CRADD: variants seen among roughly 807,000 people sequenced by gnomAD.
CRADD encodes death domain-containing protein CRADD.
A neutral mutation model predicts 15.5 loss-of-function variants in CRADD; 9 were observed. The observed-to-expected ratio is 0.58, with a 90% CI of 0.35 to 1.01. CRADD has a LOEUF of 1.01. Ranked by LOEUF, CRADD falls within the 50% of genes least tolerant of loss-of-function variation. The pLI, the probability that CRADD is intolerant of heterozygous loss-of-function variation, is 0.02. For synonymous variants in CRADD, 118 were observed against 107.6 expected (o/e 1.10, Z -0.60); for missense variants, 227 against 250.3 (o/e 0.91, Z 0.63).
At chr12:93,707,261 A>T (rs1053018342) in intron 2 of CRADD, among the ~76,000 whole-genome samples, 2 of 152,146 alleles carry the variant, frequency 1.3e-5, no homozygotes, top group African/African-American at 4.8e-5. Context: ...TGCTTTTTTA[A>T]ATCTACTGCT....
chr12:93,861,952 C>T (rs942271639), intron 2 of CRADD, among the ~76,000 whole-genome samples: 2 of 152,138 alleles, frequency 1.3e-5, no homozygotes, highest in African/African-American at 4.8e-5. Context: ...ATCATGGGGT[C>T]GGTTTCCCCC....
intron 2 of CRADD, among the ~76,000 whole-genome samples, chr12:93,798,370 G>A (rs985874098): frequency 1.3e-5 from 2 of 152,086 alleles, no homozygotes; most frequent in African/African-American, 4.8e-5. Flanking sequence ...AAGGTGAAGG[G>A]TTATAGACAG....
intron 2 of CRADD, among the ~76,000 whole-genome samples, chr12:93,876,760 C>T (rs1228453948): frequency 6.6e-6 from 1 of 152,112 alleles, no homozygotes; most frequent in Non-Finnish European, 1.5e-5. Context: ...GTATCCTCAA[C>T]ACAGCTATTT....
chr12:93,839,503 T>C (rs745470593), intron 2 of CRADD, among the ~76,000 whole-genome samples: 10 of 152,222 alleles, frequency 6.6e-5, no homozygotes, highest in Non-Finnish European at 1.3e-4. Flanking sequence ...GAAAGTACAT[T>C]CAATTTTACC....
In CRADD at chr12:93,850,304, C is replaced by T; in HGVS notation, c.*33C>T. On this transcript the variant is annotated 3_prime_UTR_variant, in exon 3 of 3. Transcript: ENST00000332896. The surrounding 1 kb of genome is among the most constrained non-coding windows in gnomAD (Gnocchi z 4.0). The stretch of plus-strand genomic sequence containing the variant: ...TCCAGCAACCGCTGGGGAGTGTGTC[C>T]CTGAGTCATGTGGGCTGAATCCTGA... 1 of 1,552,188 alleles carries T rather than the reference C, an allele frequency of 6.4e-7. No individual in the cohort carries two copies. The highest frequency in any genetic ancestry group is 1.2e-5 in the South Asian group (1 of 83,500).
At chr12:93,860,145 A>AG (rs1396343443) in intron 2 of CRADD, among the ~76,000 whole-genome samples, 2 of 151,834 alleles carry the variant, frequency 1.3e-5, no homozygotes, top group East Asian at 3.9e-4. Context: ...GAAAAAAAAA[A>AG]AAGTTTTTAT....
intron 2 of CRADD, among the ~76,000 whole-genome samples, chr12:93,715,244 C>CT (rs1432234180): frequency 2.0e-5 from 3 of 152,222 alleles, no homozygotes; most frequent in Non-Finnish European, 4.4e-5. Flanking sequence ...TTGCTTTGCC[C>CT]TTTCCACCTT....
chr12:93,815,761 C>T (rs1359520158), intron 2 of CRADD: 1 of 152,210 alleles, frequency 6.6e-6, no homozygotes, highest in Non-Finnish European at 1.5e-5. Context: ...TTCAGTCTTT[C>T]ATGCATTGTA....
Position 93,689,452 on chromosome 12 carries a change from A to G in CRADD, c.298+10380A>G, listed in dbSNP as rs533464178. 5.9e-5 allele frequency among the ~76,000 whole-genome samples: 9 copies of G among 152,118 alleles called. No homozygotes were observed. The East Asian group carries it at 1.4e-3, about 23-fold the overall frequency. On this transcript the variant is annotated intron_variant, in intron 2 of 2. Coordinates refer to ENST00000332896, the MANE Select transcript of CRADD (RefSeq NM_003805.5). The stretch of plus-strand genomic sequence containing the variant: ...TCTTTGAGGGCATTTCCCCCAGACT[A>G]AAAAAAAGAAAAAAAGGTATGTTGT...
intron 2 of CRADD, among the ~76,000 whole-genome samples, chr12:93,779,222 A>G (rs913065563): frequency 6.6e-4 from 101 of 152,258 alleles, no homozygotes; most frequent in African/African-American, 2.3e-3. Flanking sequence ...AAGCCTTTCT[A>G]TTTTTTAAAC....
chr12:93,816,380 C>T (rs1400721076), intron 2 of CRADD, among the ~76,000 whole-genome samples: 1 of 30,962 alleles, frequency 3.2e-5, no homozygotes, highest in African/African-American at 2.9e-4. Context: ...TGATGCCTGG[C>T]TAATTTTTTT....
At chr12:93,751,802 G>A (rs367880636) in intron 2 of CRADD, among the ~76,000 whole-genome samples, 4 of 152,226 alleles carry the variant, frequency 2.6e-5, no homozygotes, top group African/African-American at 9.6e-5. Context: ...AGAAGGCGCT[G>A]TAGTGAGCCA....
chr12:93,704,884 G>A (rs978017511), intron 2 of CRADD, among the ~76,000 whole-genome samples: 7 of 152,172 alleles, frequency 4.6e-5, no homozygotes, highest in Admixed American at 4.6e-4. Context: ...GCCGTTCTCT[G>A]TGCCTGGTGT....
At chr12:93,854,846 T>C (rs1958258589), downstream of CRADD, among the ~76,000 whole-genome samples, 1 of 152,224 alleles carries the variant, frequency 6.6e-6, no homozygotes, top group Non-Finnish European at 1.5e-5. Context: ...AAAGTATTAA[T>C]AACATATTTT....
At chr12:93,742,064 G>A (rs1188021591) in intron 2 of CRADD, among the ~76,000 whole-genome samples, 7 of 152,222 alleles carry the variant, frequency 4.6e-5, no homozygotes, top group African/African-American at 1.7e-4. Flanking sequence ...ACCCAAAGGC[G>A]CCCCTCAAAC....
downstream of CRADD, among the ~76,000 whole-genome samples, chr12:93,854,423 C>G (rs1230401055): frequency 4.6e-5 from 7 of 152,198 alleles, no homozygotes; most frequent in Non-Finnish European, 5.9e-5. Context: ...GTGGAAACAC[C>G]TTTCAAGCCT....
chr12:93,789,073 CTTT>C (rs538518503), intron 2 of CRADD, among the ~76,000 whole-genome samples: 2 of 151,694 alleles, frequency 1.3e-5, no homozygotes, highest in Non-Finnish European at 2.9e-5. Flanking sequence ...GTGGTGGTTC[CTTT>C]TTTTTATTTT....
chr12:93,864,421 G>A (rs1368117282), intron 2 of CRADD, among the ~76,000 whole-genome samples: 1 of 152,184 alleles, frequency 6.6e-6, no homozygotes, highest in African/African-American at 2.4e-5. Flanking sequence ...GAATGTCTGT[G>A]CAAGTACACC....
At chr12:93,836,275 A>C (rs1451864658) in intron 2 of CRADD, 1 of 152,210 alleles carries the variant, frequency 6.6e-6, no homozygotes, top group Admixed American at 6.5e-5. Flanking sequence ...GTTTGGGTGA[A>C]TAATTGATAG....
Sources: gnomAD v4.1 joint callset for allele counts (sites outside exome capture counted in the v4.1 genomes callset) on GRCh38, gnomAD v4.1.1 for gene constraint, Gnocchi (gnomAD v3.1) non-coding constraint, MANE v1.5 for transcripts, NCBI Gene and HGNC (gene_info 2026-07-23, HGNC 2026-07-21) for gene names.